Variants in AMD1 observed in about 807,000 individuals in gnomAD.
AMD1 encodes the protein S-adenosylmethionine decarboxylase proenzyme.
Under a neutral mutation model 40.2 loss-of-function variants are expected in AMD1, and 11 were observed. The ratio of observed to expected loss-of-function variants is 0.27; its 90% CI spans 0.17 to 0.45. The LOEUF (loss-of-function observed/expected upper bound fraction) is 0.45. AMD1 is among the 20% of genes least tolerant of loss of function. The pLI is 1.00. For missense variants in AMD1, 257 were observed against 410.2 expected (o/e 0.63, Z 3.23); for synonymous variants, 121 against 130.8 (o/e 0.93, Z 0.51).
the AMD1 span, chr6:110,815,217 C>A: frequency 1.4e-6 from 2 of 1,395,418 alleles, no homozygotes; most frequent in Non-Finnish European, 1.9e-6. Flanking sequence ...GCGACCGCCG[C>A]TCCACTTCTC....
chr6:110,838,344 G>A, the AMD1 span, among the ~76,000 whole-genome samples: 12 of 151,084 alleles, frequency 7.9e-5, no homozygotes, highest in African/African-American at 1.9e-4. Flanking sequence ...AGCTGAGATC[G>A]TGCCACTGCA....
chr6:110,827,278 A>G, the AMD1 span, among the ~76,000 whole-genome samples: 1 of 142,728 alleles, frequency 7.0e-6, no homozygotes, highest in African/African-American at 2.7e-5. Context: ...TTTCTTATTC[A>G]TATTTTTCTT....
chr6:110,888,475 C>T (rs561312091), intron 2 of AMD1: 7 of 153,642 alleles, frequency 4.6e-5, no homozygotes, highest in African/African-American at 1.4e-4. Flanking sequence ...CTGTGCCCGG[C>T]TAATTTTTGT....
At chr6:110,861,013 G>A in the AMD1 span, among the ~76,000 whole-genome samples, 1 of 151,844 alleles carries the variant, frequency 6.6e-6, no homozygotes, top group African/African-American at 2.4e-5. Flanking sequence ...ATCACTTGAG[G>A]TCAGGAGTTC....
At chr6:110,863,267 G>A in the AMD1 span, among the ~76,000 whole-genome samples, 2 of 149,676 alleles carry the variant, frequency 1.3e-5, no homozygotes, top group Admixed American at 1.3e-4. Context: ...TTTTTAAGTT[G>A]GAATGAGTCT....
chr6:110,843,035 A>G, the AMD1 span, among the ~76,000 whole-genome samples: 1 of 152,148 alleles, frequency 6.6e-6, no homozygotes, highest in African/African-American at 2.4e-5. Context: ...CGGGAGGCTG[A>G]GGCAGGAGAA....
chr6:110,823,299 C>T, the AMD1 span, among the ~76,000 whole-genome samples: 1 of 152,138 alleles, frequency 6.6e-6, no homozygotes, highest in African/African-American at 2.4e-5. Flanking sequence ...GAAAGCATTT[C>T]CCCTGAGAGC....
intron 1 of AMD1, among the ~76,000 whole-genome samples, chr6:110,885,405 G>T (rs1276296007): frequency 7.6e-6 from 1 of 131,420 alleles, no homozygotes; most frequent in East Asian, 2.1e-4. Context: ...GAGCCATTGT[G>T]CCTGGCCAAG....
chr6:110,855,065 CT>C, the AMD1 span, among the ~76,000 whole-genome samples: 1,144 of 80,450 alleles, frequency 0.014, 10 homozygotes, highest in East Asian at 0.072. Context: ...CTCTCTCTCT[CT>C]TTTTTTTTTT....
chr6:110,864,170 C>G, the AMD1 span: 1 of 160,664 alleles, frequency 6.2e-6, no homozygotes, highest in Admixed American at 6.5e-5. Flanking sequence ...TCTTGAACTC[C>G]TGATCTCAGG....
the AMD1 span, among the ~76,000 whole-genome samples, chr6:110,860,568 G>T: frequency 6.6e-6 from 1 of 151,910 alleles, no homozygotes; most frequent in African/African-American, 2.4e-5. Flanking sequence ...GGAGGCCAAG[G>T]TGGGAGGATC....
At chr6:110,892,628 TTATTTTTCCTGGTCCTCTCCCTTCTCCC>T in intron 6 of AMD1, 79 bp from the exon 7 acceptor site, 1 of 1,428,980 alleles carries the variant, frequency 7.0e-7, no homozygotes, top group Admixed American at 1.8e-5. Flanking sequence ...TACCCATTAG[TTATTTTTCCTGGTCCTCTCCCTTCTCCC>T]ACCCTGGGAC....
At chr6:110,827,066 A>G in the AMD1 span, among the ~76,000 whole-genome samples, 1 of 152,020 alleles carries the variant, frequency 6.6e-6, no homozygotes, top group African/African-American at 2.4e-5. Context: ...GCATAACCTC[A>G]TTTTAACTTG....
the AMD1 span, among the ~76,000 whole-genome samples, chr6:110,863,005 C>T: frequency 9.2e-5 from 14 of 151,860 alleles, no homozygotes; most frequent in African/African-American, 3.4e-4. Flanking sequence ...AGTGCAGTGG[C>T]GTGATCTCGG....
At position 110,893,699 on chromosome 6, in the gene AMD1, G is replaced by A; in HGVS notation, c.*83G>A. 1 of 1,481,698 alleles carries A rather than the reference G, an allele frequency of 6.7e-7. No individual in the cohort carries two copies. Among genetic ancestry groups the A allele is most frequent in the Non-Finnish European group, 9.2e-7 (1 of 1,092,682 alleles). The allele number at this position is 1,481,698 out of a possible 1,614,324, so 91.8% of individuals were successfully genotyped here. A position where few individuals can be genotyped will look rare whatever the true frequency, so the allele number is the denominator to read the frequency against. On this transcript the variant is annotated 3_prime_UTR_variant, in exon 9 of 9. Coordinates refer to ENST00000368885, the MANE Select transcript of AMD1 (RefSeq NM_001634.6). ...TTTCTAGATGTCGATGCTGGGGGCAGTGCTTTCCATAACCACCACTGTGTA... is the reference window on the plus strand; with the variant it reads ...TTTCTAGATGTCGATGCTGGGGGCAATGCTTTCCATAACCACCACTGTGTA...
At chr6:110,837,007 A>T in the AMD1 span, among the ~76,000 whole-genome samples, 2 of 151,906 alleles carry the variant, frequency 1.3e-5, no homozygotes, top group South Asian at 4.2e-4. Context: ...TTTCTAAAAA[A>T]TTAGCCAGGT....
rs1786069039 is a variant in AMD1, at chr6:110,892,300, T to C, written c.472T>C (p.Tyr158His). ...GAACTATTTTTAATTTTTATTTAGG[T>C]ACTTATATACTCTGGATTTCCCAGA... Reference protein sequence around the residue: ...CMGRMNSDCWYLYTLDFPESR... With the variant: ...CMGRMNSDCWHLYTLDFPESR... Residue 158 changes from tyrosine (Y) to histidine (H), a missense_variant and splice_region_variant, in exon 6 of 9, where the codon TAC becomes CAC. This residue lies in a region of AMD1 where 192 missense variants were observed against 296.5 expected (regional missense o/e 0.65). Coordinates refer to ENST00000368885, the MANE Select transcript of AMD1 (RefSeq NM_001634.6). 1 of 1,613,778 alleles carries C rather than the reference T, an allele frequency of 6.2e-7. No individual in the cohort carries two copies. Among genetic ancestry groups the C allele is most frequent in the Admixed American group, 1.7e-5 (1 of 59,992 alleles).
At chr6:110,826,615 A>C in the AMD1 span, among the ~76,000 whole-genome samples, 1 of 151,610 alleles carries the variant, frequency 6.6e-6, no homozygotes, top group South Asian at 2.1e-4. Context: ...TGGCAGCATA[A>C]CTCAAATCTC....
chr6:110,853,093 A>G, the AMD1 span, among the ~76,000 whole-genome samples: 1 of 150,700 alleles, frequency 6.6e-6, no homozygotes, highest in Non-Finnish European at 1.5e-5. Flanking sequence ...ATGCCTGCAT[A>G]CAACAGCATT....
Sources: allele counts gnomAD v4.1 joint callset (sites outside exome capture counted in the v4.1 genomes callset), GRCh38; gene constraint gnomAD v4.1.1; regional missense constraint gnomAD v4.1.1; transcripts MANE v1.5; gene names NCBI Gene and HGNC (gene_info 2026-07-23, HGNC 2026-07-21).